Variants in AFTPH observed in about 807,000 individuals in gnomAD.
AFTPH encodes the protein aftiphilin, also known as aftiphilin protein.
In AFTPH, 7 loss-of-function variants were observed where a neutral mutation model predicts 72.5. That is an observed-to-expected ratio of 0.10 (90% CI 0.05 to 0.18). The LOEUF is 0.18. Ranked by LOEUF, AFTPH falls within the 10% of genes least tolerant of loss-of-function variation. The pLI is 1.00. For missense variants in AFTPH, 979 were observed against 1,060.5 expected, an observed-to-expected ratio of 0.92 and a Z score of 1.07; for synonymous variants, 337 against 370.1, an observed-to-expected ratio of 0.91 and a Z score of 1.03.
intron 2 of AFTPH, among the ~76,000 whole-genome samples, chr2:64,559,095 T>TA (rs1263859148): frequency 6.6e-6 from 1 of 152,308 alleles, no homozygotes; most frequent in East Asian, 1.9e-4. Flanking sequence ...CTGCTGTCCT[T>TA]TAAAGGAGAT....
At chr2:64,562,624 ATAT>A in intron 2 of AFTPH, among the ~76,000 whole-genome samples, 1 of 152,326 alleles carries the variant, frequency 6.6e-6, no homozygotes, top group East Asian at 1.9e-4. Context: ...AATGGAGATG[ATAT>A]TATTACCTCC....
intron 7 of AFTPH, among the ~76,000 whole-genome samples, chr2:64,583,774 A>T (rs1435758024): frequency 6.6e-6 from 1 of 152,174 alleles, no homozygotes; most frequent in Non-Finnish European, 1.5e-5. Flanking sequence ...TGAAATACTG[A>T]GAACTTGGGA....
chr2:64,568,053 A>AT (rs1376700339), intron 3 of AFTPH, among the ~76,000 whole-genome samples: 2 of 152,118 alleles, frequency 1.3e-5, no homozygotes, highest in Admixed American at 6.5e-5. Flanking sequence ...AAAAAAAAAA[A>AT]ATTAAGGCTC....
chr2:64,531,297 C>A (rs1364114673), intron 1 of AFTPH, among the ~76,000 whole-genome samples: 1 of 152,136 alleles, frequency 6.6e-6, no homozygotes. Context: ...AGAGGGAAAG[C>A]CTGTTACTTT....
At chr2:64,562,930 A>G (rs532038784) in intron 2 of AFTPH, among the ~76,000 whole-genome samples, 1 of 152,334 alleles carries the variant, frequency 6.6e-6, no homozygotes, top group South Asian at 2.1e-4. Context: ...TAAATAATAA[A>G]GTATCTATTT....
chr2:64,535,392 G>T (rs1010648697), intron 1 of AFTPH, among the ~76,000 whole-genome samples: 8 of 152,160 alleles, frequency 5.3e-5, no homozygotes, highest in African/African-American at 1.7e-4. Flanking sequence ...AAAAAAACAT[G>T]GAAACAAATG....
exon 1 of AFTPH, chr2:64,524,380 TGGA>T (rs1669115842): frequency 2.5e-6 from 1 of 402,510 alleles, no homozygotes; most frequent in Non-Finnish European, 4.4e-6. Context: ...GCGGAGGAGG[TGGA>T]GGAGGCGGCG....
chr2:64,537,325 A>G (rs1339435471), intron 1 of AFTPH, among the ~76,000 whole-genome samples: 3 of 152,298 alleles, frequency 2.0e-5, no homozygotes, highest in African/African-American at 4.8e-5. Context: ...GTCGGGTACT[A>G]TGCTTATTAC....
chr2:64,555,989 CTT>C (rs774669104), intron 2 of AFTPH, among the ~76,000 whole-genome samples: 31 of 133,946 alleles, frequency 2.3e-4, no homozygotes, highest in Middle Eastern at 3.8e-3. Context: ...GAATTCCTCA[CTT>C]TTTTTTTTTT....
intron 1 of AFTPH, among the ~76,000 whole-genome samples, chr2:64,547,738 A>G (rs1670739376): frequency 8.9e-6 from 1 of 112,478 alleles, no homozygotes; most frequent in South Asian, 3.0e-4. Flanking sequence ...TAGCTTTTGT[A>G]TTCTTTTGAC....
exon 3 of AFTPH, chr2:64,567,562 A>G: frequency 6.2e-7 from 1 of 1,600,212 alleles, no homozygotes; most frequent in Non-Finnish European, 8.5e-7. Context: ...TTTGATGCAG[A>G]CAGCTTTATT....
intron 6 of AFTPH, among the ~76,000 whole-genome samples, chr2:64,576,196 T>A (rs948793958): frequency 5.4e-5 from 8 of 147,578 alleles, no homozygotes; most frequent in South Asian, 2.1e-4. Context: ...TATATATATA[T>A]AACATATATA....
At chr2:64,586,117 A>G (rs1048850438) in intron 8 of AFTPH, among the ~76,000 whole-genome samples, 1 of 152,212 alleles carries the variant, frequency 6.6e-6, no homozygotes, top group Non-Finnish European at 1.5e-5. Context: ...CACTCGGGCC[A>G]TGTGTTTGCG....
chr2:64,576,704 A>C (rs1436231382), intron 6 of AFTPH, among the ~76,000 whole-genome samples: 1 of 152,128 alleles, frequency 6.6e-6, no homozygotes, highest in Non-Finnish European at 1.5e-5. Flanking sequence ...TTTAGTTGTG[A>C]ATCAGAATTT....
At chr2:64,576,118 C>CACGT (rs1553404165) in intron 6 of AFTPH, among the ~76,000 whole-genome samples, 6,887 of 136,602 alleles carry the variant, frequency 0.05, 307 homozygotes, top group African/African-American at 0.11. Context: ...CACACACACA[C>CACGT]GTGTGTCATA....
intron 1 of AFTPH, among the ~76,000 whole-genome samples, chr2:64,542,620 C>T (rs1207932599): frequency 1.3e-5 from 2 of 151,896 alleles, no homozygotes; most frequent in Non-Finnish European, 2.9e-5. Flanking sequence ...TATCAGCATC[C>T]CCCCGCCCCC....
chr2:64,548,406 A>AG (rs1670793662), intron 1 of AFTPH, among the ~76,000 whole-genome samples: 1 of 142,398 alleles, frequency 7.0e-6, no homozygotes, highest in Admixed American at 6.9e-5. Flanking sequence ...TCTCAAAAAA[A>AG]GAAAAAAAAA....
chr2:64,555,978 C>T (rs539818346), intron 2 of AFTPH, among the ~76,000 whole-genome samples: 3 of 141,440 alleles, frequency 2.1e-5, no homozygotes, highest in East Asian at 2.3e-4. Context: ...TGGAACAGCA[C>T]GAATTCCTCA....
chr2:64,583,539 C>T (rs189356316), intron 7 of AFTPH, among the ~76,000 whole-genome samples: 1 of 152,162 alleles, frequency 6.6e-6, no homozygotes, highest in Non-Finnish European at 1.5e-5. Context: ...CTAGCACTTA[C>T]CTATTGCCAG....
Sources: allele counts gnomAD v4.1 joint callset (sites outside exome capture counted in the v4.1 genomes callset), GRCh38; gene constraint gnomAD v4.1.1; transcripts MANE v1.5; gene names NCBI Gene and HGNC (gene_info 2026-07-23, HGNC 2026-07-21).